TMEM178B: variants seen among roughly 807,000 people sequenced by gnomAD.
TMEM178B encodes the protein transmembrane protein 178B.
In TMEM178B, 5 loss-of-function variants were observed where a neutral mutation model predicts 31.0. The observed-to-expected ratio is 0.16, with a 90% CI of 0.08 to 0.34. The LOEUF (loss-of-function observed/expected upper bound fraction) is 0.34. TMEM178B is among the 10% of genes least tolerant of loss of function. TMEM178B has a pLI of 1.00. For synonymous variants in TMEM178B, 164 were observed against 164.0 expected, an observed-to-expected ratio of 1.00 and a Z score of 0.00; for missense variants, 275 against 400.3, an observed-to-expected ratio of 0.69 and a Z score of 2.67.
At chr7:141,307,038 G>T (rs1010728404) in intron 2 of TMEM178B, among the ~76,000 whole-genome samples, 7 of 152,280 alleles carry the variant, frequency 4.6e-5, no homozygotes, top group Admixed American at 3.9e-4. Flanking sequence ...TGAGGACAGA[G>T]ATCTTATTCT....
At chr7:141,438,784 G>A (rs1801601698) in intron 3 of TMEM178B, among the ~76,000 whole-genome samples, 1 of 148,414 alleles carries the variant, frequency 6.7e-6, no homozygotes, top group African/African-American at 2.5e-5. Flanking sequence ...GCTGAGGCAG[G>A]AGAATTGCTT....
chr7:141,322,304 A>C (rs571007141), intron 2 of TMEM178B, among the ~76,000 whole-genome samples: 2 of 151,496 alleles, frequency 1.3e-5, no homozygotes, highest in Admixed American at 1.3e-4. Flanking sequence ...AGGTGGGCGG[A>C]CCACTTGAGG....
chr7:141,410,073 T>G (rs1303538039), intron 2 of TMEM178B, among the ~76,000 whole-genome samples: 1 of 152,218 alleles, frequency 6.6e-6, no homozygotes, highest in African/African-American at 2.4e-5. Flanking sequence ...CCTTGCTCTG[T>G]GCCTGCCTTT....
chr7:141,205,866 T>C (rs183807772), intron 1 of TMEM178B, among the ~76,000 whole-genome samples: 2 of 152,332 alleles, frequency 1.3e-5, no homozygotes, highest in African/African-American at 4.8e-5. Flanking sequence ...GTGACCAGAC[T>C]TCAGAATTCA....
intron 2 of TMEM178B, among the ~76,000 whole-genome samples, chr7:141,298,558 ATTTT>A (rs1347368718): frequency 6.6e-6 from 1 of 152,186 alleles, no homozygotes; most frequent in African/African-American, 2.4e-5. Flanking sequence ...TCAGAAGTTT[ATTTT>A]TAAGCTTCTT....
the TMEM178B span, among the ~76,000 whole-genome samples, chr7:141,496,497 C>T: frequency 6.6e-6 from 1 of 151,094 alleles, no homozygotes. Context: ...GGTGAAACCC[C>T]GTCTCTACTA....
At chr7:141,485,344 T>G (rs1802538625), downstream of TMEM178B, among the ~76,000 whole-genome samples, 1 of 152,224 alleles carries the variant, frequency 6.6e-6, no homozygotes, top group African/African-American at 2.4e-5. Flanking sequence ...TCAGACCACT[T>G]GAGCTCAAAC....
At chr7:141,097,319 T>C (rs774914957) in intron 1 of TMEM178B, among the ~76,000 whole-genome samples, 38 of 123,408 alleles carry the variant, frequency 3.1e-4, no homozygotes, top group Middle Eastern at 8.2e-3. Flanking sequence ...TGAGCCGAGA[T>C]AGCACCACTG....
chr7:141,344,133 G>T lies in TMEM178B; in HGVS notation c.497-93475G>T, dbSNP rs1222879209. On this transcript the variant is annotated intron_variant, in intron 2 of 3. Coordinates refer to ENST00000565468, the MANE Select transcript of TMEM178B (RefSeq NM_001195278.2). The surrounding 1 kb of genome is among the most constrained non-coding windows in gnomAD (Gnocchi z 4.1). Reference sequence around the variant, plus strand: ...TTATTAGGTTGGTGCAAAAGTAATTGTGGTTTTTGCCATTACTTTTAAGGG... The same window carrying T: ...TTATTAGGTTGGTGCAAAAGTAATTTTGGTTTTTGCCATTACTTTTAAGGG... 6.6e-6 allele frequency among the ~76,000 whole-genome samples: 1 copy of T among 152,224 alleles called. No individual in the cohort carries two copies. Among genetic ancestry groups the T allele is most frequent in the Non-Finnish European group, 1.5e-5 (1 of 68,030 alleles).
intron 2 of TMEM178B, among the ~76,000 whole-genome samples, chr7:141,332,416 G>A (rs1328345557): frequency 6.6e-6 from 1 of 152,180 alleles, no homozygotes; most frequent in Non-Finnish European, 1.5e-5. Flanking sequence ...ATGCTCCGTT[G>A]AAGAATTCTG....
the TMEM178B span, among the ~76,000 whole-genome samples, chr7:141,506,170 C>G: frequency 3.3e-5 from 5 of 152,366 alleles, no homozygotes; most frequent in African/African-American, 1.2e-4. Flanking sequence ...TGCTCTGCCA[C>G]TTCAAGCCTT....
chr7:141,082,302 A>T (rs927580182), intron 1 of TMEM178B, among the ~76,000 whole-genome samples: 5 of 151,978 alleles, frequency 3.3e-5, no homozygotes, highest in African/African-American at 1.2e-4. Flanking sequence ...TAGCTGAGGG[A>T]CCTCCACAGG....
chr7:141,510,685 CAAAAAAAA>C, the TMEM178B span, among the ~76,000 whole-genome samples: 15 of 24,964 alleles, frequency 6.0e-4, no homozygotes, highest in South Asian at 8.7e-3. Context: ...AACTCCGTCT[CAAAAAAAA>C]AAAAAAAAAA....
chr7:141,175,468 AT>A (rs1352502958), intron 1 of TMEM178B, among the ~76,000 whole-genome samples: 1 of 151,856 alleles, frequency 6.6e-6, no homozygotes, highest in Non-Finnish European at 1.5e-5. Context: ...TCCATATGAA[AT>A]TTAAAGTAGT....
chr7:141,131,066 C>T (rs550435721), intron 1 of TMEM178B, among the ~76,000 whole-genome samples: 1 of 152,152 alleles, frequency 6.6e-6, no homozygotes, highest in African/African-American at 2.4e-5. Flanking sequence ...CTGGTAGACT[C>T]TCAGTAAATC....
chr7:141,150,967 A>G (rs1236690981), intron 1 of TMEM178B, among the ~76,000 whole-genome samples: 1 of 152,256 alleles, frequency 6.6e-6, no homozygotes, highest in Non-Finnish European at 1.5e-5. Context: ...ATGAAAATCC[A>G]AAAGGTCACG....
intron 2 of TMEM178B, among the ~76,000 whole-genome samples, chr7:141,279,834 A>G (rs217002): frequency 0.16 from 24,769 of 152,224 alleles, 2,458 homozygotes; most frequent in African/African-American, 0.27. Flanking sequence ...GTGGATTCCC[A>G]TTGCATACCT....
At position 141,433,370 on chromosome 7, in the gene TMEM178B, G is replaced by T. The variant is rs185312163; in HGVS notation, c.497-4238G>T. ...AGCCTTTTGGGGATTCCACAAGTTGGTTTTCAGCTTCTCTGATACTGACTT... is the reference window on the plus strand; with the variant it reads ...AGCCTTTTGGGGATTCCACAAGTTGTTTTTCAGCTTCTCTGATACTGACTT... On this transcript the variant is annotated intron_variant, in intron 2 of 3. Coordinates refer to ENST00000565468, the MANE Select transcript of TMEM178B (RefSeq NM_001195278.2). 1.5e-4 allele frequency among the ~76,000 whole-genome samples: 23 copies of T among 152,306 alleles called. No individual in the cohort carries two copies. In the East Asian group the frequency reaches 4.4e-3, roughly 29 times the overall value.
chr7:141,286,215 T>C (rs2116411502), intron 2 of TMEM178B, among the ~76,000 whole-genome samples: 1 of 152,270 alleles, frequency 6.6e-6, no homozygotes. Flanking sequence ...TGACAGAACA[T>C]ATGCATTTTT....
Sources: gnomAD v4.1 joint callset for allele counts (sites outside exome capture counted in the v4.1 genomes callset) on GRCh38, gnomAD v4.1.1 for gene constraint, Gnocchi (gnomAD v3.1) non-coding constraint, MANE v1.5 for transcripts, NCBI Gene and HGNC (gene_info 2026-07-23, HGNC 2026-07-21) for gene names.